The following DZIP1L variants were observed in gnomAD, a reference collection of about 807,000 sequenced individuals.
DZIP1L encodes the protein cilium assembly protein DZIP1L.
Under a neutral mutation model 88.7 loss-of-function variants are expected in DZIP1L, and 90 were observed. The observed-to-expected ratio is 1.02, with a 90% CI of 0.86 to 1.21. The LOEUF (loss-of-function observed/expected upper bound fraction) is 1.21, where lower values mean the gene tolerates loss of function less well. DZIP1L is among the 50% of genes most tolerant of loss of function. The pLI is 0.00. For synonymous variants in DZIP1L, 363 were observed against 372.1 expected (o/e 0.98, Z 0.28); for missense variants, 932 against 955.8 (o/e 0.98, Z 0.33).
At chr3:138,102,167 G>A in intron 2 of DZIP1L, 1 of 1,373,106 alleles carries the variant, frequency 7.3e-7, no homozygotes, top group Non-Finnish European at 1.0e-6. Flanking sequence ...GGGAGTGACT[G>A]TTGTCCATGG....
chr3:138,067,929 G>A lies in DZIP1L; in HGVS notation c.1832+222C>T, dbSNP rs536253785. 1.1e-4 allele frequency among the ~76,000 whole-genome samples: 16 copies of A among 152,262 alleles called. No homozygotes were observed. In the South Asian group the frequency reaches 3.3e-3, roughly 32 times the overall value. On this transcript the variant is annotated intron_variant, in intron 13 of 15. Transcript: ENST00000327532. ...TCCAGCCCCTCTGGAGGGGGAACGG[G>A]TTTGGGGGAGGACATGGGTAAGGGG...
chr3:138,110,260 T>C (rs563098322), intron 1 of DZIP1L, among the ~76,000 whole-genome samples: 2 of 151,550 alleles, frequency 1.3e-5, no homozygotes, highest in African/African-American at 4.9e-5. Flanking sequence ...ATGAGAACAC[T>C]TGGACACAGG....
intron 2 of DZIP1L, chr3:138,102,279 C>T (rs910201048): frequency 2.1e-5 from 30 of 1,440,524 alleles, no homozygotes; most frequent in African/African-American, 8.4e-5. Flanking sequence ...CCCTTCCAGG[C>T]GAGACTCCAG....
At chr3:138,080,065 AG>A (rs1177018003) in intron 10 of DZIP1L, among the ~76,000 whole-genome samples, 2 of 152,218 alleles carry the variant, frequency 1.3e-5, no homozygotes, top group Non-Finnish European at 2.9e-5. Context: ...ATCACTGGAT[AG>A]GGTGAATAAA....
Position 138,077,587 on chromosome 3 carries a change from A to G in DZIP1L, c.1334T>C (p.Leu445Pro). The change falls in exon 11 of 16, where the codon CTG (leucine) becomes CCG (proline). Residue 445 changes from leucine to proline, a missense_variant. Transcript: ENST00000327532. Reference protein sequence around the residue: ...QDEQHKVLAALRRNPTLLKHF... With the variant: ...QDEQHKVLAAPRRNPTLLKHF... ...CTTCAGCAAAGTGGGGTTACGCCTC[A>G]GAGCTGCCAGCACCTTGTGCTGTTC... is the stretch of plus-strand genomic sequence containing the variant. 6.2e-7 allele frequency: 1 copy of G among 1,614,212 alleles called. No individual in the cohort carries two copies. The highest frequency in any genetic ancestry group is 1.1e-5 in the South Asian group (1 of 91,084).
chr3:138,105,904 C>T (rs896389202), intron 1 of DZIP1L, among the ~76,000 whole-genome samples: 2 of 152,082 alleles, frequency 1.3e-5, no homozygotes, highest in African/African-American at 2.4e-5. Flanking sequence ...CAATGGCTGC[C>T]TCTGGGAAGT....
intron 7 of DZIP1L, among the ~76,000 whole-genome samples, chr3:138,085,498 A>G (rs1214194147): frequency 6.6e-6 from 1 of 152,260 alleles, no homozygotes; most frequent in Non-Finnish European, 1.5e-5. Context: ...CAACAGACAC[A>G]TGAAAAAATG....
rs1942750203 is a variant in DZIP1L, at chr3:138,062,743, C to A, written c.*73G>T. 1 of 1,542,222 alleles carries A rather than the reference C, an allele frequency of 6.5e-7. No homozygotes were observed. Among genetic ancestry groups the A allele is most frequent in the South Asian group, 1.1e-5 (1 of 88,000 alleles). On this transcript the variant is annotated 3_prime_UTR_variant, in exon 16 of 16. Transcript: ENST00000327532. ...TTTGTGAAGACAAGAGGCCCAGCAG[C>A]CTCTTCTGTTGAAGTGGACCTGAGC...
rs751678166 is a variant in DZIP1L at position 138,094,857 on chromosome 3, C to A, written c.708+5G>T. On this transcript the variant is annotated splice_donor_5th_base_variant and intron_variant, in intron 4 of 15. Coordinates refer to ENST00000327532, the MANE Select transcript of DZIP1L (RefSeq NM_173543.3). ...GTCTCCCTGATGTTTTCTCTCCCTG[C>A]CCACCTGGAGCTGCCGCTGCCTCTC... is the stretch of plus-strand genomic sequence containing the variant. 2 of 1,614,144 alleles carry A rather than the reference C, an allele frequency of 1.2e-6. No homozygotes were observed. The highest frequency in any genetic ancestry group is 2.2e-5 in the South Asian group (2 of 91,072).
chr3:138,103,551 C>T lies in DZIP1L; in HGVS notation c.421G>A (p.Glu141Lys). Residue 141 changes from glutamate to lysine, a missense_variant, in exon 2 of 16, where the codon GAG becomes AAG. Coordinates refer to ENST00000327532, the MANE Select transcript of DZIP1L (RefSeq NM_173543.3). ...ATCTTGCGACGCCGGCGGCTCTCCT[C>T]CCGCACACCCTTGAGCTCGTCAGCC... is the stretch of plus-strand genomic sequence containing the variant. ...RQADELKGVR[E>K]ESRRRRKMIS... 3.7e-6 allele frequency: 6 copies of T among 1,609,948 alleles called. No individual in the cohort carries two copies. Among genetic ancestry groups the T allele is most frequent in the Non-Finnish European group, 5.1e-6 (6 of 1,179,778 alleles).
Position 138,077,595 on chromosome 3 carries a change from C to T in DZIP1L, c.1326G>A (p.Leu442=). ...AAGTGGGGTTACGCCTCAGAGCTGC[C>T]AGCACCTTGTGCTGTTCATCCTGGG... The part of the protein sequence containing the change: ...EDSQDEQHKV[L]AALRRNPTLL... The change falls in exon 11 of 16, where the codon CTG becomes CTA. Residue 442 remains leucine, a synonymous_variant. Transcript: ENST00000327532. 6.2e-7 allele frequency: 1 copy of T among 1,614,180 alleles called. No homozygotes were observed. Among genetic ancestry groups the T allele is most frequent in the Admixed American group, 1.7e-5 (1 of 60,024 alleles).
At chr3:138,086,921 C>T in intron 7 of DZIP1L, 40 bp downstream of exon 7, 2 of 1,609,118 alleles carry the variant, frequency 1.2e-6, no homozygotes, top group Non-Finnish European at 1.7e-6. Flanking sequence ...GAGGAGGTCA[C>T]AGGAAACCAA....
chr3:138,115,586 G>C lies in DZIP1L; in HGVS notation c.-340C>G, dbSNP rs2042677875. On this transcript the variant is annotated 5_prime_UTR_variant, in exon 1 of 16. Coordinates refer to ENST00000327532, the MANE Select transcript of DZIP1L (RefSeq NM_173543.3). The stretch of plus-strand genomic sequence containing the variant: ...GGGACCGCGGACAGAGAGCTCCTCG[G>C]TGCGTCGGTCAGCTCGTGGCTTGGG... 1 of 152,108 alleles carries C rather than the reference G, an allele frequency of 6.6e-6. No individual in the cohort carries two copies. The highest frequency in any genetic ancestry group is 1.5e-5 in the Non-Finnish European group (1 of 68,064). 9.4% of individuals were successfully genotyped at this position (152,108 alleles called of 1,614,324 possible). A position where few individuals can be genotyped will look rare whatever the true frequency, so the allele number is the denominator to read the frequency against.
At chr3:138,080,422 TTA>T in intron 10 of DZIP1L, 143 bp downstream of exon 10, 1 of 787,152 alleles carries the variant, frequency 1.3e-6, no homozygotes. Flanking sequence ...ACAGAAGGTG[TTA>T]AGAAATATTA....
At position 138,111,713 on chromosome 3, in the gene DZIP1L, G is replaced by A. The variant is rs559902521; in HGVS notation, c.-82+3615C>T. On this transcript the variant is annotated intron_variant, in intron 1 of 15. Coordinates refer to ENST00000327532, the MANE Select transcript of DZIP1L (RefSeq NM_173543.3). ...GCTCTGGCATTATAAGACGGAGCAG[G>A]GCCAGGCATGGTGGCTCACACCTGT... Among the ~76,000 whole-genome samples, 4 of 152,256 alleles carry A rather than the reference G, an allele frequency of 2.6e-5. No individual in the cohort carries two copies. The South Asian group carries it at 8.3e-4, about 32-fold the overall frequency.
intron 11 of DZIP1L, among the ~76,000 whole-genome samples, chr3:138,073,208 A>G (rs1943258484): frequency 6.6e-6 from 1 of 152,142 alleles, no homozygotes; most frequent in African/African-American, 2.4e-5. Flanking sequence ...CATCCTCCCT[A>G]TAGGACCACA....
intron 4 of DZIP1L, among the ~76,000 whole-genome samples, chr3:138,093,170 T>C (rs1944312899): frequency 6.6e-6 from 1 of 152,244 alleles, no homozygotes; most frequent in Non-Finnish European, 1.5e-5. Context: ...CCTTGATACA[T>C]GGGCTGCAGA....
chr3:138,071,868 G>A, intron 11 of DZIP1L, 33 bp from the exon 12 acceptor site: 1 of 1,579,100 alleles, frequency 6.3e-7, no homozygotes, highest in Non-Finnish European at 8.6e-7. Flanking sequence ...TTTACAGAGA[G>A]AGGCTACCCT....
chr3:138,104,483 T>G (rs1294628005), intron 1 of DZIP1L, among the ~76,000 whole-genome samples: 3 of 152,250 alleles, frequency 2.0e-5, no homozygotes, highest in Non-Finnish European at 4.4e-5. Context: ...TGGGTCCTTC[T>G]GCAACCCTAT....
Sources: allele counts gnomAD v4.1 joint callset (sites outside exome capture counted in the v4.1 genomes callset), GRCh38; gene constraint gnomAD v4.1.1; transcripts MANE v1.5; gene names NCBI Gene and HGNC (gene_info 2026-07-23, HGNC 2026-07-21).